The following CNTNAP5 variants were observed in gnomAD, a reference collection of about 807,000 sequenced individuals.
CNTNAP5 encodes the protein contactin-associated protein-like 5.
A neutral mutation model predicts 150.2 loss-of-function variants in CNTNAP5; 72 were observed. The ratio of observed to expected loss-of-function variants is 0.48; its 90% CI spans 0.40 to 0.58. The LOEUF (loss-of-function observed/expected upper bound fraction) is 0.58. CNTNAP5 is among the 20% of genes least tolerant of loss of function. The pLI is 0.00. For synonymous variants in CNTNAP5, 672 were observed against 619.8 expected (o/e 1.08, Z -1.25); for missense variants, 1,636 against 1,626.2 (o/e 1.01, Z -0.10).
chr2:124,676,150 C>A (rs1035228567), intron 13 of CNTNAP5, among the ~76,000 whole-genome samples: 1 of 152,144 alleles, frequency 6.6e-6, no homozygotes, highest in East Asian at 1.9e-4. Flanking sequence ...TTCTTAAATG[C>A]CCTGAACCAA....
intron 11 of CNTNAP5, among the ~76,000 whole-genome samples, chr2:124,578,770 C>G (rs980586545): frequency 9.2e-5 from 14 of 151,882 alleles, no homozygotes; most frequent in African/African-American, 3.4e-4. Context: ...GAGACCCTGT[C>G]TCAAAAATAA....
chr2:124,561,724 C>T (rs1007302299), intron 10 of CNTNAP5, among the ~76,000 whole-genome samples: 3 of 152,250 alleles, frequency 2.0e-5, no homozygotes, highest in African/African-American at 7.2e-5. Flanking sequence ...TCTAATATGT[C>T]TGAACATATG....
chr2:124,048,409 C>T (rs367921979), intron 1 of CNTNAP5, among the ~76,000 whole-genome samples: 23 of 152,162 alleles, frequency 1.5e-4, no homozygotes, highest in Non-Finnish European at 1.9e-4. Context: ...CTTTCCTTTG[C>T]GTCTCCATTT....
At chr2:124,362,154 C>T (rs943166674) in intron 3 of CNTNAP5, among the ~76,000 whole-genome samples, 8 of 152,358 alleles carry the variant, frequency 5.3e-5, no homozygotes, top group East Asian at 3.9e-4. Flanking sequence ...GGCAATGCCT[C>T]GCCCTGCTTC....
At chr2:124,416,984 C>T (rs1691934836) in intron 3 of CNTNAP5, among the ~76,000 whole-genome samples, 1 of 138,882 alleles carries the variant, frequency 7.2e-6, no homozygotes, top group Non-Finnish European at 1.5e-5. Flanking sequence ...GTCGCCCAGG[C>T]TGGAGTGCAG....
chr2:124,309,080 T>C (rs1688759242), intron 3 of CNTNAP5, among the ~76,000 whole-genome samples: 2 of 152,210 alleles, frequency 1.3e-5, no homozygotes, highest in South Asian at 4.1e-4. Context: ...TATAATAATG[T>C]TTAACTTCTA....
In CNTNAP5 at chr2:124,434,523, TG is replaced by T. The variant is rs1265402397; in HGVS notation, c.570del (p.Tyr191ThrfsTer7). 5 of 1,613,988 alleles carry T rather than the reference TG, an allele frequency of 3.1e-6. No homozygotes were observed. Among genetic ancestry groups the T allele is most frequent in the Non-Finnish European group, 4.2e-6 (5 of 1,179,830 alleles). The part of the protein sequence containing the change: ...VADFDGRSSL[L>X]YRFNQKLMST... The stretch of plus-strand genomic sequence containing the variant: ...GACTTTGATGGCCGAAGCTCACTTC[TG>T]TACAGGTTCAATCAGAAGTTGATGA... On this transcript the variant is annotated frameshift_variant, in exon 5 of 24. Transcript: ENST00000682447. LOFTEE classifies it high-confidence loss of function.
In CNTNAP5 at chr2:124,092,225, A is replaced by G. The variant is rs116327888; in HGVS notation, c.82+66493A>G. Among the ~76,000 whole-genome samples the G allele has an allele frequency of 1.7e-3, 259 of 152,342 alleles. 2 individuals are homozygous for G. Among genetic ancestry groups the G allele is most frequent in the African/African-American group, 5.8e-3 (243 of 41,580 alleles). ...TTAAGGGATTTATTTGCGATAGCCT[A>G]TTAGAGTAAAGCCAGAGTTACATTT... On this transcript the variant is annotated intron_variant, in intron 1 of 23. Transcript: ENST00000682447.
intron 3 of CNTNAP5, among the ~76,000 whole-genome samples, chr2:124,331,862 T>A (rs187393875): frequency 4.7e-4 from 71 of 152,112 alleles, no homozygotes; most frequent in African/African-American, 1.7e-3. Flanking sequence ...GATTAACAAT[T>A]TTTTTAATTT....
At chr2:124,685,595 G>T (rs751239583) in intron 13 of CNTNAP5, among the ~76,000 whole-genome samples, 7 of 151,976 alleles carry the variant, frequency 4.6e-5, no homozygotes, top group Non-Finnish European at 8.8e-5. Context: ...CTAAAATCTG[G>T]ATTTTCAGTA....
At chr2:124,194,399 ATATATATATAT>A (rs1685531464) in intron 1 of CNTNAP5, among the ~76,000 whole-genome samples, 1 of 46,812 alleles carries the variant, frequency 2.1e-5, no homozygotes, top group Non-Finnish European at 3.9e-5. Flanking sequence ...ATATATATAT[ATATATATATAT>A]AAATATAAAT....
intron 5 of CNTNAP5, among the ~76,000 whole-genome samples, chr2:124,441,025 C>A (rs1692661270): frequency 6.6e-6 from 1 of 151,454 alleles, no homozygotes; most frequent in South Asian, 2.1e-4. Context: ...TTTCTGAGGA[C>A]CACCATCCTA....
rs190691712 is a variant in CNTNAP5, at chr2:124,086,147, G to A, written c.82+60415G>A. On this transcript the variant is annotated intron_variant, in intron 1 of 23. Coordinates refer to ENST00000682447, the MANE Select transcript of CNTNAP5 (RefSeq NM_001367498.1). Reference sequence around the variant, plus strand: ...TAGAACTGTTTTATCAGTTCTATCAGTTATTTCACATATTTTGCAGCTTTG... The same window carrying A: ...TAGAACTGTTTTATCAGTTCTATCAATTATTTCACATATTTTGCAGCTTTG... 2.1e-3 allele frequency among the ~76,000 whole-genome samples: 298 copies of A among 142,106 alleles called. 2 individuals are homozygous for A. The highest frequency in any genetic ancestry group is 3.9e-3 in the Non-Finnish European group (252 of 65,322). 93.2% of individuals were successfully genotyped at this position (142,106 alleles called of 152,430 possible). A position where few individuals can be genotyped will look rare whatever the true frequency, so the allele number is the denominator to read the frequency against.
chr2:124,448,657 A>G (rs1481279095), intron 6 of CNTNAP5, among the ~76,000 whole-genome samples: 1 of 152,164 alleles, frequency 6.6e-6, no homozygotes, highest in Non-Finnish European at 1.5e-5. Flanking sequence ...CTGTTTTTTT[A>G]TGATGTGTGA....
At chr2:124,427,634 T>C (rs1692272193) in intron 4 of CNTNAP5, among the ~76,000 whole-genome samples, 1 of 152,010 alleles carries the variant, frequency 6.6e-6, no homozygotes, top group African/African-American at 2.4e-5. Context: ...TTTTTGTATT[T>C]TTAGTAGAGA....
intron 3 of CNTNAP5, among the ~76,000 whole-genome samples, chr2:124,275,988 G>C (rs988589954): frequency 2.0e-5 from 3 of 151,972 alleles, no homozygotes; most frequent in Non-Finnish European, 2.9e-5. Context: ...CAAGTGAAAG[G>C]GTTTTTTGTT....
chr2:124,750,967 A>G (rs1573592567), intron 14 of CNTNAP5, among the ~76,000 whole-genome samples: 1 of 135,724 alleles, frequency 7.4e-6, no homozygotes, highest in Non-Finnish European at 1.5e-5. Flanking sequence ...CTAGTGACAG[A>G]TTGAGACTCC....
chr2:124,589,531 T>C (rs546802030), intron 11 of CNTNAP5, among the ~76,000 whole-genome samples: 11 of 152,312 alleles, frequency 7.2e-5, no homozygotes, highest in African/African-American at 2.4e-4. Context: ...CTTAAATATA[T>C]ACCTGCAAGT....
At chr2:124,757,882 T>G (rs1680874015) in intron 14 of CNTNAP5, among the ~76,000 whole-genome samples, 1 of 152,220 alleles carries the variant, frequency 6.6e-6, no homozygotes, top group Non-Finnish European at 1.5e-5. Context: ...CAACAGTGAT[T>G]TAAAATAGAA....
Sources: allele counts gnomAD v4.1 joint callset (sites outside exome capture counted in the v4.1 genomes callset), GRCh38; gene constraint gnomAD v4.1.1; transcripts MANE v1.5; gene names NCBI Gene and HGNC (gene_info 2026-07-23, HGNC 2026-07-21).